PPP2R5C: variants seen among roughly 807,000 people sequenced by gnomAD.
The protein encoded by PPP2R5C is protein phosphatase 2 regulatory subunit B'gamma, also known as serine/threonine-protein phosphatase 2A 56 kDa regulatory subunit gamma isoform.
A neutral mutation model predicts 68.9 loss-of-function variants in PPP2R5C; 7 were observed. That is an observed-to-expected ratio of 0.10 (90% CI 0.06 to 0.19). PPP2R5C has a LOEUF of 0.19. PPP2R5C is among the 10% of genes least tolerant of loss of function. The pLI, the probability that PPP2R5C is intolerant of heterozygous loss-of-function variation, is 1.00. For missense variants in PPP2R5C, 348 were observed against 641.3 expected (o/e 0.54, Z 4.94); for synonymous variants, 210 against 222.2 (o/e 0.95, Z 0.49).
At chr14:101,902,191 C>T (rs1038476676) in intron 9 of PPP2R5C, among the ~76,000 whole-genome samples, 75 of 152,274 alleles carry the variant, frequency 4.9e-4, no homozygotes, top group African/African-American at 1.7e-3. Context: ...CTCCTTTCCA[C>T]ACCTGAGCAT....
intron 1 of PPP2R5C, among the ~76,000 whole-genome samples, chr14:101,847,136 A>G (rs2041874147): frequency 6.6e-6 from 1 of 152,230 alleles, no homozygotes; most frequent in South Asian, 2.1e-4. Flanking sequence ...TTCATTCAGC[A>G]GACATCTGTG....
intron 1 of PPP2R5C, among the ~76,000 whole-genome samples, chr14:101,836,954 C>T (rs890061477): frequency 6.6e-6 from 1 of 152,128 alleles, no homozygotes; most frequent in Non-Finnish European, 1.5e-5. Flanking sequence ...ACACATAAAG[C>T]GAGAACTGTA....
intron 1 of PPP2R5C, among the ~76,000 whole-genome samples, chr14:101,827,970 G>A (rs2040497309): frequency 6.6e-6 from 1 of 151,836 alleles, no homozygotes; most frequent in Admixed American, 6.6e-5. Context: ...TTTTTTTACT[G>A]ATCTTATTTG....
At chr14:101,851,927 T>G (rs534443578) in intron 1 of PPP2R5C, among the ~76,000 whole-genome samples, 1 of 152,226 alleles carries the variant, frequency 6.6e-6, no homozygotes, top group Admixed American at 6.5e-5. Flanking sequence ...GCTAAGCATG[T>G]ATGTCACAGC....
At chr14:101,827,078 C>T (rs1268614792) in intron 1 of PPP2R5C, among the ~76,000 whole-genome samples, 3 of 146,304 alleles carry the variant, frequency 2.1e-5, no homozygotes, top group East Asian at 2.0e-4. Flanking sequence ...CAGGTTCAAG[C>T]GATTCTTGTG....
At chr14:101,838,592 T>TC (rs533112299) in intron 1 of PPP2R5C, among the ~76,000 whole-genome samples, 259 of 152,300 alleles carry the variant, frequency 1.7e-3, no homozygotes, top group Non-Finnish European at 2.9e-3. Flanking sequence ...TCACTTCTTG[T>TC]CCCCCTCGCC....
rs762031227 is a variant in PPP2R5C, at chr14:101,925,264, G to A, written c.1567G>A (p.Gly523Ser). ...GGCCGATGAGCTGGCCTCCCAGGACGGCCGCTAGCCTCCGGGGCGCCGCGT... is the reference window on the plus strand; with the variant it reads ...GGCCGATGAGCTGGCCTCCCAGGACAGCCGCTAGCCTCCGGGGCGCCGCGT... The change falls in exon 14 of 14, where the codon GGC (glycine) becomes AGC (serine). Residue 523 changes from glycine (G) to serine (S), a missense_variant. Physicochemically the swap from Gly to Ser is moderately conservative, Grantham distance 56. Around this residue, in one of 4 missense-constraint regions of PPP2R5C, gnomAD observed 118 missense variants for 108.9 expected, o/e 1.08. Transcript: ENST00000334743. 8.9e-5 allele frequency: 144 copies of A among 1,612,794 alleles called. No homozygotes were observed. Among genetic ancestry groups the A allele is most frequent in the Non-Finnish European group, 1.1e-4 (135 of 1,179,784 alleles).
At chr14:101,886,064 A>G (rs954769569) in intron 5 of PPP2R5C, among the ~76,000 whole-genome samples, 3 of 151,870 alleles carry the variant, frequency 2.0e-5, no homozygotes, top group African/African-American at 4.8e-5. Flanking sequence ...GGCAGATCAC[A>G]AGGTCAGGAG....
At chr14:101,896,362 CTTG>C (rs768191815) in intron 8 of PPP2R5C, among the ~76,000 whole-genome samples, 1 of 152,078 alleles carries the variant, frequency 6.6e-6, no homozygotes, top group African/African-American at 2.4e-5. Context: ...GAAAGAGTAT[CTTG>C]TTGTGGTTTT....
Position 101,915,067 on chromosome 14 carries a change from G to C in PPP2R5C, c.1326+2594G>C, listed in dbSNP as rs1234266818. Among the ~76,000 whole-genome samples the C allele has an allele frequency of 1.3e-5, 2 of 150,722 alleles. No homozygotes were observed. The highest frequency in any genetic ancestry group is 6.6e-5 in the Admixed American group (1 of 15,218). ...AAGGTTTTTGTTTTGGTTTGGTTTG[G>C]TTTGGTTTGATTTGGTTTGGTTTGT... On this transcript the variant is annotated intron_variant, in intron 12 of 13. Transcript: ENST00000334743. The surrounding 1 kb of genome is among the most constrained non-coding windows in gnomAD (Gnocchi z 4.2).
At chr14:101,796,934 A>G in intron 3 of PPP2R5C, 1 of 309,604 alleles carries the variant, frequency 3.2e-6, no homozygotes, top group African/African-American at 2.2e-5. Flanking sequence ...GGTGAAATAC[A>G]CATGTTAAAA....
Position 101,882,499 on chromosome 14 carries a change from C to T in PPP2R5C, c.405+228C>T, listed in dbSNP as rs1195537704. 1 of 397,966 alleles carries T rather than the reference C, an allele frequency of 2.5e-6. No individual in the cohort carries two copies. The highest frequency in any genetic ancestry group is 2.1e-5 in the African/African-American group (1 of 48,516). 24.7% of individuals were successfully genotyped at this position (397,966 alleles called of 1,614,324 possible). ...AGATGTGTAATTGTGAGTATGTTCT[C>T]AGTGAAGATGGCCGCTGTGTTGATG... On this transcript the variant is annotated intron_variant, in intron 3 of 13. Coordinates refer to ENST00000334743, the Ensembl canonical transcript of PPP2R5C. The surrounding 1 kb of genome is among the most constrained non-coding windows in gnomAD (Gnocchi z 4.9).
chr14:101,839,061 A>T (rs1474816225), intron 1 of PPP2R5C: 1 of 147,826 alleles, frequency 6.8e-6, no homozygotes, highest in East Asian at 2.0e-4. Flanking sequence ...AAAAGAAAAA[A>T]AAAAAAAAAG....
chr14:101,832,044 G>T (rs894748881), intron 1 of PPP2R5C, among the ~76,000 whole-genome samples: 1 of 152,198 alleles, frequency 6.6e-6, no homozygotes, highest in African/African-American at 2.4e-5. Flanking sequence ...ACTAGCAGGG[G>T]ATCAGCAAAG....
rs61994051 is a variant in PPP2R5C at position 101,835,426 on chromosome 14, A to G, written c.95-21260A>G. Reference sequence around the variant, plus strand: ...AGAGGGGAATGTTGATGATTCAGGTATTTGGTTGGTGATCATGTTATCAAG... The same window carrying G: ...AGAGGGGAATGTTGATGATTCAGGTGTTTGGTTGGTGATCATGTTATCAAG... On this transcript the variant is annotated intron_variant, in intron 1 of 13. Coordinates refer to ENST00000334743, the Ensembl canonical transcript of PPP2R5C. The surrounding 1 kb of genome is among the most constrained non-coding windows in gnomAD (Gnocchi z 5.0). 0.07 allele frequency among the ~76,000 whole-genome samples: 10,661 copies of G among 152,186 alleles called. 416 individuals carry two copies. The highest frequency in any genetic ancestry group is 0.14 in the Middle Eastern group (41 of 294).
At chr14:101,853,759 C>G (rs979803351) in intron 1 of PPP2R5C, among the ~76,000 whole-genome samples, 1 of 152,074 alleles carries the variant, frequency 6.6e-6, no homozygotes, top group African/African-American at 2.4e-5. Context: ...GCCTCTAGAT[C>G]GGGGTAACGG....
intron 1 of PPP2R5C, among the ~76,000 whole-genome samples, chr14:101,839,923 G>C (rs998856014): frequency 6.6e-6 from 1 of 151,858 alleles, no homozygotes; most frequent in African/African-American, 2.4e-5. Flanking sequence ...GTTCTCTCTG[G>C]GTTGGCCTTT....
intron 5 of PPP2R5C, among the ~76,000 whole-genome samples, chr14:101,889,230 G>C (rs35550863): frequency 1.3e-5 from 2 of 152,150 alleles, no homozygotes; most frequent in South Asian, 4.1e-4. Flanking sequence ...TTTTGGCTTA[G>C]AGCGGTCTCT....
Position 101,781,827 on chromosome 14 carries a change from G to A in PPP2R5C, c.94-4191G>A, listed in dbSNP as rs2037712162. On this transcript the variant is annotated intron_variant, in intron 2 of 14. Transcript: ENST00000328724. This position sits in a 1 kb window ranked among gnomAD's most constrained non-coding sequence, Gnocchi z 6.4. The stretch of plus-strand genomic sequence containing the variant: ...CGCTCTCCCGTTTCCTTTCCGTCCC[G>A]TCTCGGGGGCTTCATCCTCCAGCCG... 6.6e-6 allele frequency among the ~76,000 whole-genome samples: 1 copy of A among 151,906 alleles called. No individual in the cohort carries two copies. The highest frequency in any genetic ancestry group is 6.5e-5 in the Admixed American group (1 of 15,284).
Sources: gnomAD v4.1 joint callset for allele counts (sites outside exome capture counted in the v4.1 genomes callset) on GRCh38, gnomAD v4.1.1 for gene constraint, gnomAD v4.1.1 regional missense constraint, Gnocchi (gnomAD v3.1) non-coding constraint, MANE v1.5 for transcripts, NCBI Gene and HGNC (gene_info 2026-07-23, HGNC 2026-07-21) for gene names.